Variants in PHACTR1 observed in about 807,000 individuals in gnomAD.
PHACTR1 encodes phosphatase and actin regulator 1.
Under a neutral mutation model 69.2 loss-of-function variants are expected in PHACTR1, and 16 were observed. The observed-to-expected ratio is 0.23, with a 90% confidence interval of 0.16 to 0.35. The LOEUF (loss-of-function observed/expected upper bound fraction) is 0.35. PHACTR1 is among the 10% of genes least tolerant of loss of function. The probability of loss-of-function intolerance (pLI) is 1.00; values close to 1 mark genes in which losing one functional copy is unlikely to be tolerated. For missense variants in PHACTR1, 510 were observed against 734.7 expected, an observed-to-expected ratio of 0.69 and a Z score of 3.54; for synonymous variants, 312 against 284.5, an observed-to-expected ratio of 1.10 and a Z score of -0.97.
At chr6:12,802,987 G>A (rs1443758444) in intron 4 of PHACTR1, among the ~76,000 whole-genome samples, 2 of 152,304 alleles carry the variant, frequency 1.3e-5, no homozygotes, top group Admixed American at 6.5e-5. Context: ...GCTAATATAT[G>A]TGGCTTTGTA....
intron 4 of PHACTR1, among the ~76,000 whole-genome samples, chr6:12,771,759 G>A (rs1769413308): frequency 6.6e-6 from 1 of 152,174 alleles, no homozygotes; most frequent in Non-Finnish European, 1.5e-5. Flanking sequence ...GGAGAGAGAT[G>A]GAAGGGAATT....
chr6:12,723,185 C>A (rs191075548), intron 3 of PHACTR1, among the ~76,000 whole-genome samples: 5 of 152,250 alleles, frequency 3.3e-5, no homozygotes, highest in East Asian at 1.9e-4. Context: ...CAGCCCCAGG[C>A]TCCAGTGCCA....
intron 6 of PHACTR1, among the ~76,000 whole-genome samples, chr6:13,168,984 G>A (rs1358912859): frequency 6.6e-6 from 1 of 152,186 alleles, no homozygotes; most frequent in Non-Finnish European, 1.5e-5. Flanking sequence ...AGACTGACTT[G>A]CAAGGAGAGC....
intron 5 of PHACTR1, among the ~76,000 whole-genome samples, chr6:13,090,127 T>C (rs1195068003): frequency 6.6e-6 from 1 of 152,158 alleles, no homozygotes; most frequent in Non-Finnish European, 1.5e-5. Flanking sequence ...CGATCTCGGC[T>C]CACTGCAACC....
intron 4 of PHACTR1, among the ~76,000 whole-genome samples, chr6:12,800,178 A>G (rs1773529044): frequency 6.6e-6 from 1 of 152,300 alleles, no homozygotes; most frequent in African/African-American, 2.4e-5. Context: ...AAAAATCTCA[A>G]ATCCAACCAT....
At chr6:13,105,953 T>G (rs373113378) in intron 5 of PHACTR1, among the ~76,000 whole-genome samples, 2 of 152,312 alleles carry the variant, frequency 1.3e-5, no homozygotes, top group East Asian at 3.9e-4. Context: ...GAAATAACAT[T>G]GATTAGTGAT....
At chr6:12,923,489 C>T (rs1787937651) in intron 4 of PHACTR1, among the ~76,000 whole-genome samples, 1 of 152,200 alleles carries the variant, frequency 6.6e-6, no homozygotes. Context: ...ATGACTTCTG[C>T]AGCATGATCC....
intron 4 of PHACTR1, among the ~76,000 whole-genome samples, chr6:12,786,865 G>T (rs1444430348): frequency 6.6e-6 from 1 of 152,168 alleles, no homozygotes; most frequent in Non-Finnish European, 1.5e-5. Flanking sequence ...ATAACTCCTG[G>T]TTAAATCACT....
chr6:12,860,135 A>G (rs781639009), intron 4 of PHACTR1, among the ~76,000 whole-genome samples: 16 of 151,994 alleles, frequency 1.1e-4, no homozygotes, highest in Admixed American at 3.9e-4. Context: ...TATTTCTCCT[A>G]TTGCTATCCC....
chr6:13,133,632 T>A (rs1820929330), intron 5 of PHACTR1, among the ~76,000 whole-genome samples: 1 of 152,100 alleles, frequency 6.6e-6, no homozygotes, highest in Non-Finnish European at 1.5e-5. Flanking sequence ...AGTGGCGTGA[T>A]CTCGGCTCGC....
intron 5 of PHACTR1, among the ~76,000 whole-genome samples, chr6:13,080,691 A>C (rs966827526): frequency 2.0e-5 from 3 of 152,188 alleles, no homozygotes; most frequent in African/African-American, 7.2e-5. Flanking sequence ...GTCTGTGACA[A>C]ATAAATTCCC....
intron 6 of PHACTR1, among the ~76,000 whole-genome samples, chr6:13,163,177 G>A (rs1305489980): frequency 1.3e-5 from 2 of 152,180 alleles, no homozygotes; most frequent in African/African-American, 4.8e-5. Flanking sequence ...CCCAGGAGGT[G>A]GAGGTTGCAG....
intron 5 of PHACTR1, among the ~76,000 whole-genome samples, chr6:13,152,376 C>T (rs1339513190): frequency 1.3e-5 from 2 of 152,076 alleles, no homozygotes; most frequent in Admixed American, 6.6e-5. Context: ...CATAGGATTC[C>T]CTGGCTCATC....
intron 5 of PHACTR1, among the ~76,000 whole-genome samples, chr6:13,133,752 G>A (rs1462955947): frequency 2.0e-5 from 3 of 151,822 alleles, no homozygotes; most frequent in Admixed American, 2.0e-4. Context: ...CTGCCTGGCC[G>A]CCCATCGTCT....
At chr6:12,938,315 A>G (rs1789690281) in intron 4 of PHACTR1, among the ~76,000 whole-genome samples, 1 of 152,126 alleles carries the variant, frequency 6.6e-6, no homozygotes, top group Admixed American at 6.5e-5. Context: ...CAGAGCCAGG[A>G]AAAAATGAGA....
At position 13,275,469 on chromosome 6, in the gene PHACTR1, A is replaced by G. The variant is rs948109539; in HGVS notation, c.1447+2554A>G. The stretch of plus-strand genomic sequence containing the variant: ...TGGCCCCACCCCTCAGAGTGACCTA[A>G]GAAACGCACATAGGAGATGAAGGCT... On this transcript the variant is annotated intron_variant, in intron 11 of 14. Coordinates refer to ENST00000332995, the MANE Select transcript of PHACTR1 (RefSeq NM_030948.6). The surrounding 1 kb of genome is among the most constrained non-coding windows in gnomAD (Gnocchi z 4.0). 8 of 152,222 alleles carry G rather than the reference A, an allele frequency of 5.3e-5. No individual in the cohort carries two copies. Among genetic ancestry groups the G allele is most frequent in the East Asian group, 3.8e-4 (2 of 5,206 alleles). The allele number at this position is 152,222 out of a possible 1,614,324, so 9.4% of individuals were successfully genotyped here. A position where few individuals can be genotyped will look rare whatever the true frequency, so the allele number is the denominator to read the frequency against.
intron 5 of PHACTR1, among the ~76,000 whole-genome samples, chr6:13,090,089 T>C (rs1461919103): frequency 2.0e-5 from 3 of 152,132 alleles, no homozygotes; most frequent in Admixed American, 6.6e-5. Context: ...AGTTTCGCTC[T>C]TGTTGCCTAG....
chr6:13,025,619 A>T (rs974549728), intron 4 of PHACTR1, among the ~76,000 whole-genome samples: 2 of 151,968 alleles, frequency 1.3e-5, no homozygotes, highest in African/African-American at 4.8e-5. Context: ...ACGACATCTA[A>T]TAGAATAACC....
chr6:12,906,886 CCACTGTGATTGGACAG>C (rs1381996922), intron 4 of PHACTR1, among the ~76,000 whole-genome samples: 1 of 152,110 alleles, frequency 6.6e-6, no homozygotes, highest in African/African-American at 2.4e-5. Flanking sequence ...CTTGGCTCGA[CCACTGTGATTGGACAG>C]CACACTTGAA....
Sources: gnomAD v4.1 joint callset for allele counts (sites outside exome capture counted in the v4.1 genomes callset) on GRCh38, gnomAD v4.1.1 for gene constraint, Gnocchi (gnomAD v3.1) non-coding constraint, MANE v1.5 for transcripts, NCBI Gene and HGNC (gene_info 2026-07-23, HGNC 2026-07-21) for gene names.